Variants in RAPH1 observed in about 807,000 individuals in gnomAD.
The protein encoded by RAPH1 is Ras association (RalGDS/AF-6) and pleckstrin homology domains 1.
RAPH1 carries 18 observed loss-of-function variants against 88.1 expected under a neutral mutation model. The ratio of observed to expected loss-of-function variants is 0.20; its 90% CI spans 0.14 to 0.30. The LOEUF (loss-of-function observed/expected upper bound fraction) is 0.30, where lower values mean the gene tolerates loss of function less well. Ranked by LOEUF, RAPH1 falls within the 10% of genes least tolerant of loss-of-function variation. The pLI, the probability that RAPH1 is intolerant of heterozygous loss-of-function variation, is 1.00. For synonymous variants in RAPH1, 587 were observed against 559.0 expected, an observed-to-expected ratio of 1.05 and a Z score of -0.71; for missense variants, 1,448 against 1,543.2, an observed-to-expected ratio of 0.94 and a Z score of 1.03.
chr2:203,484,570 A>G (rs1410790969), intron 4 of RAPH1, among the ~76,000 whole-genome samples: 1 of 152,242 alleles, frequency 6.6e-6, no homozygotes, highest in Admixed American at 6.5e-5. Context: ...GTGGAAAAAA[A>G]GCATATGGCT....
chr2:203,470,270 A>G (rs2098531897), intron 4 of RAPH1: 2 of 1,612,754 alleles, frequency 1.2e-6, no homozygotes, highest in Admixed American at 1.7e-5. Context: ...TTTTCCTGCA[A>G]TGTTTCTCAG....
chr2:203,522,709 C>T (rs1353794607), intron 1 of RAPH1, among the ~76,000 whole-genome samples: 8 of 151,782 alleles, frequency 5.3e-5, no homozygotes. Flanking sequence ...CGAGACCAGC[C>T]TGGCCAACAT....
intron 1 of RAPH1, among the ~76,000 whole-genome samples, chr2:203,505,675 A>G (rs545948194): frequency 3.4e-4 from 52 of 152,266 alleles, no homozygotes; most frequent in Non-Finnish European, 5.6e-4. Context: ...GTAGATAAAA[A>G]ACTATAAAAA....
chr2:203,483,779 C>A (rs979877654), intron 4 of RAPH1, among the ~76,000 whole-genome samples: 7 of 152,136 alleles, frequency 4.6e-5, no homozygotes, highest in South Asian at 2.1e-4. Flanking sequence ...GTGATTTCCT[C>A]CCTATCCTTC....
At chr2:203,457,713 G>A (rs2098520925) in intron 7 of RAPH1, 118 bp from the exon 8 acceptor site, 3 of 788,836 alleles carry the variant, frequency 3.8e-6, no homozygotes, top group African/African-American at 1.7e-5. Flanking sequence ...TAGAGAAATA[G>A]CAACTCTGAT....
chr2:203,512,797 G>A (rs1186584600), intron 1 of RAPH1, among the ~76,000 whole-genome samples: 1 of 151,526 alleles, frequency 6.6e-6, no homozygotes, highest in Non-Finnish European at 1.5e-5. Flanking sequence ...CTAATTTTTT[G>A]TTATTTTTTA....
chr2:203,501,589 G>A (rs940716290), intron 1 of RAPH1, among the ~76,000 whole-genome samples: 11 of 152,016 alleles, frequency 7.2e-5, no homozygotes, highest in Non-Finnish European at 1.3e-4. Flanking sequence ...GCCACATGGC[G>A]AGACCTCATC....
rs71408943 is a variant in RAPH1, at chr2:203,517,359, CAAAAAAA to C, written c.-1+17745_-1+17751del. Among the ~76,000 whole-genome samples, 292 of 32,162 alleles carry C rather than the reference CAAAAAAA, an allele frequency of 9.1e-3. 1 individual carries two copies. The highest frequency in any genetic ancestry group is 0.026 in the African/African-American group (240 of 9,064). The allele number at this position is 32,162 out of a possible 152,430, so 21.1% of individuals were successfully genotyped here. A position where few individuals can be genotyped will look rare whatever the true frequency, so the allele number is the denominator to read the frequency against. On this transcript the variant is annotated intron_variant, in intron 1 of 13. Coordinates refer to ENST00000319170, the MANE Select transcript of RAPH1 (RefSeq NM_213589.3). Reference sequence around the variant, plus strand: ...CAACAGAGCATCAAACTATGAGAGGCAAAAAAAAAAAAAAAAAAAAAAAAGACAGAAA... The same window carrying C: ...CAACAGAGCATCAAACTATGAGAGGCAAAAAAAAAAAAAAAAAGACAGAAA...
chr2:203,462,743 A>G (rs1480620823), intron 4 of RAPH1, among the ~76,000 whole-genome samples: 1 of 152,222 alleles, frequency 6.6e-6, no homozygotes, highest in Non-Finnish European at 1.5e-5. Flanking sequence ...CTGAATTAGC[A>G]TATAGTACTC....
chr2:203,503,026 C>A (rs992871025), intron 1 of RAPH1, among the ~76,000 whole-genome samples: 4 of 151,894 alleles, frequency 2.6e-5, no homozygotes, highest in Non-Finnish European at 5.9e-5. Flanking sequence ...CACCTGTAAT[C>A]CCAGCTACTC....
intron 1 of RAPH1, among the ~76,000 whole-genome samples, chr2:203,502,070 G>A (rs2105882688): frequency 6.6e-6 from 1 of 152,296 alleles, no homozygotes; most frequent in African/African-American, 2.4e-5. Flanking sequence ...TCTCCTATGT[G>A]TTGAAAGGGA....
chr2:203,488,365 C>T (rs1301793470), intron 4 of RAPH1, among the ~76,000 whole-genome samples: 1 of 151,318 alleles, frequency 6.6e-6, no homozygotes, highest in African/African-American at 2.4e-5. Context: ...GGGAAGTGGG[C>T]GGATCACAAG....
At position 203,506,744 on chromosome 2, in the gene RAPH1, A is replaced by ATATATATATC. The variant is rs1559494032; in HGVS notation, c.1-11392_1-11391insGATATATATA. Among the ~76,000 whole-genome samples the ATATATATATC allele has an allele frequency of 1.2e-3, 134 of 108,444 alleles. 12 individuals carry two copies. Among genetic ancestry groups the ATATATATATC allele is most frequent in the African/African-American group, 7.7e-3 (123 of 15,874 alleles). The allele number at this position is 108,444 out of a possible 152,430, so 71.1% of individuals were successfully genotyped here. A position where few individuals can be genotyped will look rare whatever the true frequency, so the allele number is the denominator to read the frequency against. On this transcript the variant is annotated intron_variant, in intron 1 of 13. Transcript: ENST00000319170. ...AAAATCCATATATAGATATATATCT[A>ATATATATATC]TATATATATATATCTATATATATAT...
chr2:203,440,220 G>A lies in RAPH1; in HGVS notation c.2970C>T (p.Pro990=), dbSNP rs139509322. ...TGTCCACCGAGGGTCTCTTGGGCTCGGGGTGCTCTGCACCACTGCTGGATT... is the reference window on the plus strand; with the variant it reads ...TGTCCACCGAGGGTCTCTTGGGCTCAGGGTGCTCTGCACCACTGCTGGATT... ...SIKSSSGAEH[P]EPKRPSVDSL... Residue 990 remains proline (P), a synonymous_variant, in exon 14 of 14, where the codon CCC becomes CCT. Coordinates refer to ENST00000319170, the MANE Select transcript of RAPH1 (RefSeq NM_213589.3). 3.8e-4 allele frequency: 614 copies of A among 1,613,972 alleles called. 3 individuals are homozygous for A. In the East Asian group the frequency reaches 9.2e-3, roughly 24 times the overall value.
intron 4 of RAPH1, among the ~76,000 whole-genome samples, chr2:203,471,382 C>G (rs1039130375): frequency 1.3e-5 from 2 of 152,192 alleles, no homozygotes; most frequent in Non-Finnish European, 1.5e-5. Context: ...GAGGCCAAGG[C>G]AGGCAGATCT....
At chr2:203,513,520 G>A (rs1397300751) in intron 1 of RAPH1, among the ~76,000 whole-genome samples, 2 of 102,458 alleles carry the variant, frequency 2.0e-5, no homozygotes, top group Non-Finnish European at 3.5e-5. Flanking sequence ...TGCCCCGCCC[G>A]AGACTCTATT....
In RAPH1 at chr2:203,458,758, TTTTC is replaced by T. The variant is rs573725266; in HGVS notation, c.1092+1145_1092+1148del. On this transcript the variant is annotated intron_variant, in intron 7 of 13. Coordinates refer to ENST00000319170, the MANE Select transcript of RAPH1 (RefSeq NM_213589.3). ...GATATAGAGGGCTGACTGTACTTCTTTTTCTTTTTCTCTTTTTTTTTTTGGAGAC... is the reference window on the plus strand; with the variant it reads ...GATATAGAGGGCTGACTGTACTTCTTTTTTTCTCTTTTTTTTTTTGGAGAC... Among the ~76,000 whole-genome samples the T allele has an allele frequency of 1.9e-4, 29 of 150,630 alleles. 1 individual carries two copies. The highest frequency in any genetic ancestry group is 3.4e-3 in the Middle Eastern group (1 of 292).
chr2:203,505,448 C>CT lies in RAPH1; in HGVS notation c.1-10096_1-10095insA, dbSNP rs1688944805. Among the ~76,000 whole-genome samples the CT allele has an allele frequency of 1.3e-5, 2 of 151,968 alleles. 1 individual carries two copies. The highest frequency in any genetic ancestry group is 1.3e-4 in the Admixed American group (2 of 15,236). On this transcript the variant is annotated intron_variant, in intron 1 of 13. Transcript: ENST00000319170. ...GGCCGCCATGATTAAATTACCCCCC[C>CT]CGGGTCCCTCCCACAACACAGAGGA...
rs566558346 is a variant in RAPH1, at chr2:203,468,027, T to A, written c.733-6102A>T. On this transcript the variant is annotated intron_variant, in intron 4 of 13. Coordinates refer to ENST00000319170, the MANE Select transcript of RAPH1 (RefSeq NM_213589.3). ...TTGAACTCCACCACCTGCCTTAGCCTCCCAAAGTACTGGGATTACAGGCAT... is the reference window on the plus strand; with the variant it reads ...TTGAACTCCACCACCTGCCTTAGCCACCCAAAGTACTGGGATTACAGGCAT... Among the ~76,000 whole-genome samples, 6 of 152,204 alleles carry A rather than the reference T, an allele frequency of 3.9e-5. No homozygotes were observed. In the East Asian group the frequency reaches 9.7e-4, roughly 25 times the overall value.
Sources: gnomAD v4.1 joint callset for allele counts (sites outside exome capture counted in the v4.1 genomes callset) on GRCh38, gnomAD v4.1.1 for gene constraint, MANE v1.5 for transcripts, NCBI Gene and HGNC (gene_info 2026-07-23, HGNC 2026-07-21) for gene names.